Variants in COQ7 observed in about 807,000 individuals in gnomAD.
COQ7 encodes coenzyme Q7, hydroxylase, also known as NADPH-dependent 3-demethoxyubiquinone 3-hydroxylase, mitochondrial.
A neutral mutation model predicts 25.0 loss-of-function variants in COQ7; 21 were observed. That is an observed-to-expected ratio of 0.84 (90% CI 0.60 to 1.21). The LOEUF is 1.21. COQ7 is among the 50% of genes most tolerant of loss of function. The pLI, the probability that COQ7 is intolerant of heterozygous loss-of-function variation, is 0.00. For missense variants in COQ7, 311 were observed against 296.2 expected, an observed-to-expected ratio of 1.05 and a Z score of -0.37; for synonymous variants, 125 against 112.4, an observed-to-expected ratio of 1.11 and a Z score of -0.71.
At chr16:19,069,865 C>T (rs1567539188) in intron 1 of COQ7, among the ~76,000 whole-genome samples, 1 of 152,062 alleles carries the variant, frequency 6.6e-6, no homozygotes, top group East Asian at 1.9e-4. Flanking sequence ...CTCACTGCAG[C>T]CTTTGCCTAC....
Position 19,075,769 on chromosome 16 carries a change from T to C in COQ7, c.416T>C (p.Val139Ala). The C allele has an allele frequency of 6.2e-7, 1 of 1,610,296 alleles. No homozygotes were observed. The highest frequency in any genetic ancestry group is 1.3e-5 in the African/African-American group (1 of 74,956). Residue 139 changes from valine to alanine, a missense_variant, in exon 4 of 6, where the codon GTG becomes GCG. Val to Ala is a moderately conservative substitution (Grantham distance 64). Transcript: ENST00000321998. Reference protein sequence around the residue: ...LGKEGAMACTVAVEESIAHHY... With the variant: ...LGKEGAMACTAAVEESIAHHY... ...AAGGAAGGTGCCATGGCCTGCACCG[T>C]GGCGGTGGAAGAGAGCATAGCACAT...
Position 19,075,853 on chromosome 16 carries a change from T to G in COQ7, c.500T>G (p.Leu167Arg), listed in dbSNP as rs749502140. ...MEEDPEKYEE[L>R]LQLIKKFRDE... ...GAGGACCCTGAAAAATACGAGGAACTTCTTCAGGTATTTATCCGTGCTCTA... is the reference window on the plus strand; with the variant it reads ...GAGGACCCTGAAAAATACGAGGAACGTCTTCAGGTATTTATCCGTGCTCTA... The change falls in exon 4 of 6, where the codon CTT (leucine) becomes CGT (arginine). Residue 167 changes from leucine to arginine, a missense_variant. Coordinates refer to ENST00000321998, the MANE Select transcript of COQ7 (RefSeq NM_016138.5). The G allele has an allele frequency of 2.5e-6, 4 of 1,614,170 alleles. No individual in the cohort carries two copies. The highest frequency in any genetic ancestry group is 3.4e-6 in the Non-Finnish European group (4 of 1,180,014).
chr16:19,067,920 G>A (rs1284287005), intron 1 of COQ7, 183 bp downstream of exon 1: 19 of 1,475,438 alleles, frequency 1.3e-5, no homozygotes, highest in Non-Finnish European at 1.7e-5. Flanking sequence ...TGTAGTTAGC[G>A]GCGAGAGTGA....
chr16:19,075,666 C>G, intron 3 of COQ7, 55 bp from the exon 4 acceptor site: 2 of 1,517,202 alleles, frequency 1.3e-6, no homozygotes, highest in Non-Finnish European at 1.8e-6. Context: ...CAGATGGTCT[C>G]CATTACCGGT....
intron 1 of COQ7, among the ~76,000 whole-genome samples, chr16:19,069,945 G>A (rs1447588315): frequency 6.6e-6 from 1 of 151,856 alleles, no homozygotes; most frequent in Non-Finnish European, 1.5e-5. Flanking sequence ...CACGATGCCT[G>A]GCTAATTTTT....
chr16:19,082,413 T>C (rs898610527), downstream of COQ7, among the ~76,000 whole-genome samples: 2 of 151,946 alleles, frequency 1.3e-5, no homozygotes, highest in African/African-American at 4.8e-5. Flanking sequence ...GAAGGATCGC[T>C]TGAGTCCAGG....
chr16:19,083,096 C>G (rs28827311), downstream of COQ7, among the ~76,000 whole-genome samples: 2,659 of 152,170 alleles, frequency 0.017, 80 homozygotes, highest in African/African-American at 0.061. Context: ...AATTGTATGG[C>G]ATGTAAATTG....
intron 1 of COQ7, among the ~76,000 whole-genome samples, chr16:19,070,749 C>CAA (rs935274619): frequency 1.5e-5 from 2 of 131,026 alleles, no homozygotes; most frequent in East Asian, 2.2e-4. Flanking sequence ...GAGTCTGTCT[C>CAA]AAAAAAAAAA....
intron 1 of COQ7, 177 bp from the exon 2 acceptor site, chr16:19,071,751 C>G: frequency 1.6e-6 from 1 of 634,084 alleles, no homozygotes; most frequent in Non-Finnish European, 2.7e-6. Flanking sequence ...AAATCCAGAT[C>G]TTTAGGTAAA....
rs374245797 is a variant in COQ7 at position 19,075,673 on chromosome 16, C to A, written c.368-48C>A. ...CCTGGCCACAGATGGTCTCCATTAC[C>A]GGTCATATCTGTCTCTTACTTTTCT... On this transcript the variant is annotated intron_variant, in intron 3 of 5. Transcript: ENST00000321998. The A allele has an allele frequency of 2.6e-6, 4 of 1,518,648 alleles. No homozygotes were observed. In the South Asian group the frequency reaches 5.3e-5, roughly 20 times the overall value. The allele number at this position is 1,518,648 out of a possible 1,614,324, so 94.1% of individuals were successfully genotyped here. A position where few individuals can be genotyped will look rare whatever the true frequency, so the allele number is the denominator to read the frequency against.
At chr16:19,070,182 C>T (rs975803205) in intron 1 of COQ7, among the ~76,000 whole-genome samples, 1 of 152,194 alleles carries the variant, frequency 6.6e-6, no homozygotes, top group Non-Finnish European at 1.5e-5. Flanking sequence ...CTTAGGTCCA[C>T]GCTTCTTTGT....
intron 3 of COQ7, 150 bp downstream of exon 3, chr16:19,074,185 T>G: frequency 1.8e-6 from 1 of 558,212 alleles, no homozygotes; most frequent in African/African-American, 1.9e-5. Context: ...ACTGCCTTTT[T>G]TTGTGTGTGG....
At chr16:19,074,108 C>T (rs774352866) in intron 3 of COQ7, 73 bp downstream of exon 3, 1 of 1,161,502 alleles carries the variant, frequency 8.6e-7, no homozygotes, top group Non-Finnish European at 1.2e-6. Context: ...GTATCATGTT[C>T]ACAATTCTTG....
chr16:19,071,832 T>C, intron 1 of COQ7, 96 bp from the exon 2 acceptor site: 1 of 1,416,468 alleles, frequency 7.1e-7, no homozygotes. Context: ...GGGAACTGAT[T>C]TGTGACCTCC....
intron 1 of COQ7, among the ~76,000 whole-genome samples, chr16:19,069,541 G>C (rs1450639892): frequency 6.6e-6 from 1 of 151,226 alleles, no homozygotes; most frequent in Non-Finnish European, 1.5e-5. Context: ...CTCCCGAGTA[G>C]CTGAGGCTGC....
chr16:19,078,287 TG>T lies in COQ7; in HGVS notation c.*130del, dbSNP rs1164108560. Reference sequence around the variant, plus strand: ...AATTTTGTTAATAAATTATAAGGTTTGTTTTTTTTTTTTTAAACTCTGCAGT... The same window carrying T: ...AATTTTGTTAATAAATTATAAGGTTTTTTTTTTTTTTTTAAACTCTGCAGT... On this transcript the variant is annotated 3_prime_UTR_variant, in exon 6 of 6. Coordinates refer to ENST00000321998, the MANE Select transcript of COQ7 (RefSeq NM_016138.5). The T allele has an allele frequency of 1.4e-4, 104 of 730,224 alleles. No homozygotes were observed. The highest frequency in any genetic ancestry group is 6.6e-4 in the African/African-American group (34 of 51,456). The allele number at this position is 730,224 out of a possible 1,614,324, so 45.2% of individuals were successfully genotyped here.
chr16:19,077,694 T>G (rs1444782441), intron 5 of COQ7, among the ~76,000 whole-genome samples: 1 of 149,874 alleles, frequency 6.7e-6, no homozygotes, highest in African/African-American at 2.5e-5. Flanking sequence ...GTTCAAGCAA[T>G]TCTGCCTCAG....
At chr16:19,073,059 A>G (rs1962644901) in intron 2 of COQ7, among the ~76,000 whole-genome samples, 2 of 152,188 alleles carry the variant, frequency 1.3e-5, no homozygotes, top group African/African-American at 4.8e-5. Flanking sequence ...TAATCCCAGC[A>G]CTTTGGGAAG....
In COQ7 at chr16:19,074,681, T is replaced by C. The variant is rs200987251; in HGVS notation, c.367+646T>C. Among the ~76,000 whole-genome samples the C allele has an allele frequency of 5.9e-5, 9 of 152,284 alleles. No individual in the cohort carries two copies. In the East Asian group the frequency reaches 9.6e-4, roughly 16 times the overall value. On this transcript the variant is annotated intron_variant, in intron 3 of 5. Coordinates refer to ENST00000321998, the MANE Select transcript of COQ7 (RefSeq NM_016138.5). ...ACCTAAGCCTCTGAGCCTGAGTATC[T>C]TGGACTACTGGCGCATGCCACCACG...
Sources: allele counts gnomAD v4.1 joint callset (sites outside exome capture counted in the v4.1 genomes callset), GRCh38; gene constraint gnomAD v4.1.1; transcripts MANE v1.5; gene names NCBI Gene and HGNC (gene_info 2026-07-23, HGNC 2026-07-21).